Variants in GLIS3 observed in about 807,000 individuals in gnomAD.
GLIS3 encodes GLIS family zinc finger 3, also known as zinc finger protein GLIS3.
Under a neutral mutation model 78.6 loss-of-function variants are expected in GLIS3, and 53 were observed. The ratio of observed to expected loss-of-function variants is 0.67; its 90% CI spans 0.54 to 0.85. The LOEUF (loss-of-function observed/expected upper bound fraction) is 0.85, where lower values mean the gene tolerates loss of function less well. Among genes scored for constraint, GLIS3 ranks in the 40% least tolerant of loss-of-function variants. The pLI is 0.00. For synonymous variants in GLIS3, 684 were observed against 509.9 expected (o/e 1.34, Z -4.60); for missense variants, 1,703 against 1,231.1 (o/e 1.38, Z -5.74).
intron 4 of GLIS3, among the ~76,000 whole-genome samples, chr9:3,964,083 G>A (rs116478291): frequency 0.018 from 2,670 of 152,204 alleles, 35 homozygotes; most frequent in Middle Eastern, 0.027. Context: ...AACAGACACC[G>A]AGAGAGTGCT....
the GLIS3 span, among the ~76,000 whole-genome samples, chr9:4,379,869 T>G: frequency 6.6e-6 from 1 of 152,248 alleles, no homozygotes; most frequent in South Asian, 2.1e-4. Context: ...TTGCAAAGAA[T>G]AGGAGTGTAT....
chr9:4,243,291 C>A (rs1028911860), intron 2 of GLIS3, among the ~76,000 whole-genome samples: 3 of 152,126 alleles, frequency 2.0e-5, no homozygotes, highest in Non-Finnish European at 4.4e-5. Flanking sequence ...AAGGATCAGT[C>A]AGAGTGATTG....
the GLIS3 span, among the ~76,000 whole-genome samples, chr9:4,444,276 T>G: frequency 6.6e-6 from 1 of 152,246 alleles, no homozygotes; most frequent in African/African-American, 2.4e-5. Context: ...GCATAATAAT[T>G]ACTACGCTTC....
chr9:4,058,064 G>A (rs1411541491), intron 4 of GLIS3, among the ~76,000 whole-genome samples: 1 of 152,104 alleles, frequency 6.6e-6, no homozygotes, highest in Non-Finnish European at 1.5e-5. Flanking sequence ...AAGGACAAAA[G>A]ACAAAGAGAA....
intron 4 of GLIS3, among the ~76,000 whole-genome samples, chr9:3,953,909 TTTA>T (rs1816908303): frequency 6.6e-6 from 1 of 151,920 alleles, no homozygotes; most frequent in Non-Finnish European, 1.5e-5. Flanking sequence ...AACATGTGGC[TTTA>T]TGTCTGTAGT....
At chr9:4,250,322 C>G (rs923914502) in intron 2 of GLIS3, among the ~76,000 whole-genome samples, 18 of 152,198 alleles carry the variant, frequency 1.2e-4, no homozygotes, top group African/African-American at 4.3e-4. Flanking sequence ...AGGTATTCAA[C>G]TTCTTCCTGG....
chr9:4,189,658 C>A (rs548883277), intron 2 of GLIS3, among the ~76,000 whole-genome samples: 102 of 152,216 alleles, frequency 6.7e-4, no homozygotes, highest in African/African-American at 2.4e-3. Flanking sequence ...TCAGGACTTG[C>A]TTTATAAATC....
chr9:4,038,726 T>G (rs1042823077), intron 4 of GLIS3, among the ~76,000 whole-genome samples: 1 of 152,200 alleles, frequency 6.6e-6, no homozygotes, highest in Non-Finnish European at 1.5e-5. Context: ...TCTCCACTAT[T>G]CTTTTTTTCA....
intron 2 of GLIS3, among the ~76,000 whole-genome samples, chr9:4,175,645 C>T (rs1816748773): frequency 6.6e-6 from 1 of 152,182 alleles, no homozygotes; most frequent in Non-Finnish European, 1.5e-5. Flanking sequence ...TCTGATTCTA[C>T]CCAAGTCCCC....
At chr9:4,344,210 C>T (rs886183592) in intron 2 of GLIS3, among the ~76,000 whole-genome samples, 2 of 152,066 alleles carry the variant, frequency 1.3e-5, no homozygotes, top group Non-Finnish European at 2.9e-5. Flanking sequence ...TCATATTCAC[C>T]ATTTTTATTT....
At chr9:4,247,321 A>C (rs1012191317) in intron 2 of GLIS3, among the ~76,000 whole-genome samples, 4 of 152,226 alleles carry the variant, frequency 2.6e-5, no homozygotes, top group Admixed American at 6.5e-5. Flanking sequence ...GGTGAACTCA[A>C]ATAAAGGATA....
intron 2 of GLIS3, among the ~76,000 whole-genome samples, chr9:4,212,155 G>T (rs1467982899): frequency 1.3e-5 from 2 of 152,202 alleles, no homozygotes; most frequent in African/African-American, 2.4e-5. Context: ...AATGATATAT[G>T]TAAATTATAC....
chr9:4,222,633 G>T (rs1489171341), intron 2 of GLIS3, among the ~76,000 whole-genome samples: 1 of 152,156 alleles, frequency 6.6e-6, no homozygotes. Context: ...CACTAATTTT[G>T]CAGGCAAGTG....
chr9:3,952,298 G>A (rs1057100721), intron 4 of GLIS3, among the ~76,000 whole-genome samples: 8 of 152,094 alleles, frequency 5.3e-5, no homozygotes, highest in Non-Finnish European at 5.9e-5. Context: ...CTGGGAAATC[G>A]TAATCCACCT....
intron 2 of GLIS3, among the ~76,000 whole-genome samples, chr9:4,251,391 G>T (rs1424156210): frequency 1.3e-5 from 2 of 148,512 alleles, no homozygotes; most frequent in Non-Finnish European, 3.0e-5. Context: ...GATCTTTGTT[G>T]GTTTAAAGTC....
chr9:3,958,595 G>C (rs1165123029), intron 4 of GLIS3, among the ~76,000 whole-genome samples: 4 of 152,202 alleles, frequency 2.6e-5, no homozygotes, highest in African/African-American at 9.7e-5. Flanking sequence ...CACGTGTTGG[G>C]CTTCTACTCT....
At chr9:4,424,044 T>C in the GLIS3 span, among the ~76,000 whole-genome samples, 11 of 152,336 alleles carry the variant, frequency 7.2e-5, no homozygotes, top group Middle Eastern at 3.4e-3. Flanking sequence ...GTTAGAAATA[T>C]TCCCTAAAAT....
intron 4 of GLIS3, among the ~76,000 whole-genome samples, chr9:4,064,665 AC>A (rs1384623475): frequency 1.3e-5 from 2 of 152,152 alleles, no homozygotes; most frequent in African/African-American, 4.8e-5. Context: ...GTTGTGGCGC[AC>A]ACCTGTAATC....
chr9:3,885,066 GAGA>G (rs1307073800), intron 7 of GLIS3, among the ~76,000 whole-genome samples: 1 of 152,190 alleles, frequency 6.6e-6, no homozygotes, highest in Non-Finnish European at 1.5e-5. Context: ...GCATTGAAGA[GAGA>G]AGTTTTCCAG....
Sources: gnomAD v4.1 joint callset for allele counts (sites outside exome capture counted in the v4.1 genomes callset) on GRCh38, gnomAD v4.1.1 for gene constraint, MANE v1.5 for transcripts, NCBI Gene and HGNC (gene_info 2026-07-23, HGNC 2026-07-21) for gene names.